The following PEX1 variants were observed in gnomAD, a reference collection of about 807,000 sequenced individuals.
PEX1 encodes the protein peroxisomal biogenesis factor 1.
A neutral mutation model predicts 152.5 loss-of-function variants in PEX1; 97 were observed. The ratio of observed to expected loss-of-function variants is 0.64; its 90% CI spans 0.54 to 0.75. The LOEUF (loss-of-function observed/expected upper bound fraction) is 0.75. Ranked by LOEUF, PEX1 falls within the 30% of genes least tolerant of loss-of-function variation. The pLI is 0.00. For missense variants in PEX1, 1,357 were observed against 1,516.3 expected, an observed-to-expected ratio of 0.89 and a Z score of 1.74; for synonymous variants, 485 against 531.6, an observed-to-expected ratio of 0.91 and a Z score of 1.21.
chr7:92,524,539 T>C (rs989124472), intron 1 of PEX1, among the ~76,000 whole-genome samples: 4 of 152,198 alleles, frequency 2.6e-5, no homozygotes, highest in African/African-American at 7.2e-5. Context: ...AGTGCTGGGA[T>C]TACAGGCGTG....
At chr7:92,493,969 GT>G (rs199791843) in intron 19 of PEX1, 365 of 281,702 alleles carry the variant, frequency 1.3e-3, no homozygotes, top group South Asian at 2.1e-3. Flanking sequence ...CTGTATCAGA[GT>G]TTTTTTTTTG....
At chr7:92,516,062 A>G (rs71550599) in intron 5 of PEX1, among the ~76,000 whole-genome samples, 11,818 of 86,360 alleles carry the variant, frequency 0.14, 689 homozygotes, top group Middle Eastern at 0.24. Context: ...AGAAAAAAGA[A>G]AAGAAAAGAA....
intron 11 of PEX1, among the ~76,000 whole-genome samples, chr7:92,505,736 G>C (rs980594653): frequency 1.3e-5 from 2 of 152,090 alleles, no homozygotes; most frequent in Non-Finnish European, 2.9e-5. Context: ...ATATGACAGC[G>C]GTACCCATGG....
Position 92,504,815 on chromosome 7 carries a change from T to C in PEX1, c.1988A>G (p.Asp663Gly). The C allele has an allele frequency of 6.2e-7, 1 of 1,614,020 alleles. No individual in the cohort carries two copies. Among genetic ancestry groups the C allele is most frequent in the Non-Finnish European group, 8.5e-7 (1 of 1,179,904 alleles). The stretch of plus-strand genomic sequence containing the variant: ...AGGCAGTCCAGCAATGAGGTCAAGG[T>C]CATCCAGCAGGACAACAGATGGCTG... ...WMQPSVVLLD[D>G]LDLIAGLPAV... Residue 663 changes from aspartate (D) to glycine (G), a missense_variant, in exon 12 of 24, where the codon GAC becomes GGC. Asp to Gly is a moderately conservative substitution (Grantham distance 94). Transcript: ENST00000248633.
At chr7:92,518,971 T>C (rs754480050) in intron 3 of PEX1, 24 bp downstream of exon 3, 1 of 1,488,290 alleles carries the variant, frequency 6.7e-7, no homozygotes, top group Non-Finnish European at 9.4e-7. Flanking sequence ...TTAAATGAGA[T>C]AGTTCTTATT....
chr7:92,515,067 CTATA>C lies in PEX1; in HGVS notation c.1240-1104_1240-1101del, dbSNP rs67750906. 8.3e-4 allele frequency among the ~76,000 whole-genome samples: 104 copies of C among 125,130 alleles called. 4 individuals carry two copies. The highest frequency in any genetic ancestry group is 1.3e-3 in the South Asian group (5 of 3,996). 82.1% of individuals were successfully genotyped at this position (125,130 alleles called of 152,430 possible). On this transcript the variant is annotated intron_variant, in intron 5 of 23. Coordinates refer to ENST00000248633, the MANE Select transcript of PEX1 (RefSeq NM_000466.3). ...GTCTCAAGAAAAAAAAAAAAATTAT[CTATA>C]TATATATATATATATATATATATAT...
In PEX1 at chr7:92,494,545, A is replaced by T. The variant is rs200663477; in HGVS notation, c.2868T>A (p.Val956=). Residue 956 remains valine, a synonymous_variant, in exon 18 of 24, where the codon GTT becomes GTA. Transcript: ENST00000248633. The part of the protein sequence containing the change: ...APRRGHDNTG[V]TDRVVNQLLT... ...GCAACTGGTTAACTACTCGGTCTGT[A>T]ACTCCTGTATTATCATGACCCCGCC... 4.0e-5 allele frequency: 65 copies of T among 1,613,930 alleles called. No homozygotes were observed. The African/African-American group carries it at 8.3e-4, about 21-fold the overall frequency.
At chr7:92,521,419 G>A (rs1402850345) in intron 2 of PEX1, among the ~76,000 whole-genome samples, 2 of 152,104 alleles carry the variant, frequency 1.3e-5, no homozygotes, top group African/African-American at 2.4e-5. Flanking sequence ...TAATAACCCT[G>A]TGTTGTAGAA....
rs2116181395 is a variant in PEX1 at position 92,507,073 on chromosome 7, A to T, written c.1724T>A (p.Leu575Gln). ...CAGCTGCCGAGACAAAGGGCGTCCC[A>T]GGAGGCTGTGAGTGATGTGCTCCAA... ...SSLEHITHSL[L>Q]GRPLSRQLMS... The change falls in exon 10 of 24, where the codon CTG becomes CAG. Residue 575 changes from leucine to glutamine, a missense_variant. Physicochemically the swap from Leu to Gln is moderately radical, Grantham distance 113 (BLOSUM62 -2). Coordinates refer to ENST00000248633, the MANE Select transcript of PEX1 (RefSeq NM_000466.3). 1 of 1,614,006 alleles carries T rather than the reference A, an allele frequency of 6.2e-7. No homozygotes were observed. Among genetic ancestry groups the T allele is most frequent in the African/African-American group, 1.3e-5 (1 of 75,048 alleles).
At chr7:92,516,382 T>C (rs1229197651) in intron 5 of PEX1, among the ~76,000 whole-genome samples, 1 of 151,902 alleles carries the variant, frequency 6.6e-6, no homozygotes, top group Non-Finnish European at 1.5e-5. Flanking sequence ...AGCCAGATCA[T>C]GCCACTGCAC....
intron 9 of PEX1, chr7:92,507,786 G>A (rs1562858515): frequency 6.6e-6 from 1 of 152,006 alleles, no homozygotes; most frequent in African/African-American, 2.4e-5. Context: ...GGGATTACAG[G>A]TGCCCACCAC....
chr7:92,505,088 C>T (rs867982277), intron 11 of PEX1, among the ~76,000 whole-genome samples, 186 bp from the exon 12 acceptor site: 7 of 152,008 alleles, frequency 4.6e-5, no homozygotes, highest in East Asian at 3.9e-4. Context: ...AGTCTCAAAG[C>T]GTGCAGTAAA....
At chr7:92,519,158 T>C in intron 2 of PEX1, 80 bp from the exon 3 acceptor site, 1 of 804,270 alleles carries the variant, frequency 1.2e-6, no homozygotes. Flanking sequence ...GTTATCTTCT[T>C]ACCATTTTAG....
intron 22 of PEX1, 40 bp from the exon 23 acceptor site, chr7:92,489,463 G>T: frequency 1.9e-6 from 3 of 1,583,020 alleles, no homozygotes; most frequent in Non-Finnish European, 2.6e-6. Flanking sequence ...TTAAATTAAG[G>T]ATGTAAAAAA....
chr7:92,494,386 T>C lies in PEX1; in HGVS notation c.2937A>G (p.Val979=). 6.2e-7 allele frequency: 1 copy of C among 1,613,946 alleles called. No homozygotes were observed. The highest frequency in any genetic ancestry group is 8.5e-7 in the Non-Finnish European group (1 of 1,179,900). The change falls in exon 19 of 24, where the codon GTA becomes GTG. Residue 979 remains valine, a synonymous_variant. Coordinates refer to ENST00000248633, the MANE Select transcript of PEX1 (RefSeq NM_000466.3). ...DGVEGLQGVY[V]LAATSRPDLI... ...AGTCAGGGCGACTAGTAGCAGCCAA[T>C]ACATAAACACCTAGAGGAAAAAAGA...
chr7:92,498,285 C>T (rs1261095488), intron 16 of PEX1, among the ~76,000 whole-genome samples: 1 of 151,914 alleles, frequency 6.6e-6, no homozygotes, highest in East Asian at 1.9e-4. Flanking sequence ...GGGCAGATCA[C>T]TCGAGGTCAG....
At chr7:92,527,634 C>A (rs1216089916) in intron 1 of PEX1, among the ~76,000 whole-genome samples, 1 of 152,210 alleles carries the variant, frequency 6.6e-6, no homozygotes, top group Non-Finnish European at 1.5e-5. Context: ...TAAGTACACT[C>A]AAACTCGTGA....
At chr7:92,504,171 A>G (rs1792067006) in intron 12 of PEX1, among the ~76,000 whole-genome samples, 2 of 151,798 alleles carry the variant, frequency 1.3e-5, no homozygotes, top group African/African-American at 2.4e-5. Context: ...ATGCTCCTAC[A>G]CTACTCTGTG....
intron 21 of PEX1, 41 bp from the exon 22 acceptor site, chr7:92,489,952 G>A: frequency 6.7e-7 from 1 of 1,495,408 alleles, no homozygotes. Flanking sequence ...GAAGGAAGAG[G>A]GGGAGAGAAA....
Sources: gnomAD v4.1 joint callset for allele counts (sites outside exome capture counted in the v4.1 genomes callset) on GRCh38, gnomAD v4.1.1 for gene constraint, MANE v1.5 for transcripts, NCBI Gene and HGNC (gene_info 2026-07-23, HGNC 2026-07-21) for gene names.